The following PKD1 variants were observed in gnomAD, a reference collection of about 807,000 sequenced individuals.
PKD1 encodes polycystin 1, transient receptor potential channel interacting.
In PKD1, 81 loss-of-function variants were observed where a neutral mutation model predicts 361.7. The observed-to-expected ratio is 0.22, with a 90% CI of 0.19 to 0.27. The LOEUF is 0.27. Ranked by LOEUF, PKD1 falls within the 10% of genes least tolerant of loss-of-function variation. The pLI is 1.00. For synonymous variants in PKD1, 3,615 were observed against 2,818.3 expected (o/e 1.28, Z -8.95); for missense variants, 6,399 against 6,118.3 (o/e 1.05, Z -1.53).
At chr16:2,105,671 T>C in intron 20 of PKD1, 194 bp downstream of exon 20, 1 of 1,406,328 alleles carries the variant, frequency 7.1e-7, no homozygotes, top group East Asian at 2.5e-5. Context: ...GGCTGCATTG[T>C]GGAAAGCAGA....
Position 2,106,546 on chromosome 16 carries a change from C to T in PKD1, c.7341G>A (p.Thr2447=), listed in dbSNP as rs573611925. The part of the protein sequence containing the change: ...VLRDGEGYTF[T]LTVLGRSGEE... ...CGCCAGAGCGGCCCAGCACCGTGAG[C>T]GTGAAGGTGTATCCCTCGCCGTCCC... is the stretch of plus-strand genomic sequence containing the variant. The change falls in exon 18 of 46, where the codon ACG becomes ACA. Residue 2447 remains threonine, a synonymous_variant. Transcript: ENST00000262304. The surrounding 1 kb of genome is among the most constrained non-coding windows in gnomAD (Gnocchi z 6.5). 1.6e-5 allele frequency: 25 copies of T among 1,596,576 alleles called. No individual in the cohort carries two copies. The highest frequency in any genetic ancestry group is 1.5e-4 in the Admixed American group (9 of 59,902).
Position 2,110,550 on chromosome 16 carries a change from C to A in PKD1, c.4617G>T (p.Trp1539Cys). The change falls in exon 15 of 46, where the codon TGG becomes TGT. Residue 1539 changes from tryptophan to cysteine, a missense_variant. By Grantham distance (215) the Trp-to-Cys change is radical. Transcript: ENST00000262304. Reference protein sequence around the residue: ...GWNEVSRSEAWLNVTVKRRVR... With the variant: ...GWNEVSRSEACLNVTVKRRVR... Reference sequence around the variant, plus strand: ...CGCGCCGCTTCACCGTCACATTGAGCCAGGCCTCGCTGCGGCTCACCTCAT... The same window carrying A: ...CGCGCCGCTTCACCGTCACATTGAGACAGGCCTCGCTGCGGCTCACCTCAT... 1 of 1,611,458 alleles carries A rather than the reference C, an allele frequency of 6.2e-7. No individual in the cohort carries two copies. Among genetic ancestry groups the A allele is most frequent in the Non-Finnish European group, 8.5e-7 (1 of 1,179,814 alleles).
At position 2,092,980 on chromosome 16, in the gene PKD1, G is replaced by T; in HGVS notation, c.11130C>A (p.His3710Gln). The T allele has an allele frequency of 6.2e-7, 1 of 1,613,022 alleles. No homozygotes were observed. The highest frequency in any genetic ancestry group is 8.5e-7 in the Non-Finnish European group (1 of 1,180,022). ...RLQSAIKQEL[H>Q]SRAFLAITRS... ...GCGTGATGGCCAGGAAGGCCCGGCT[G>T]TGCAGCTCCTGCTTGATGGCGCTTT... The change falls in exon 38 of 46, where the codon CAC becomes CAA. Residue 3710 changes from histidine (H) to glutamine (Q), a missense_variant. Physicochemically the swap from His to Gln is conservative, Grantham distance 24. Transcript: ENST00000262304.
rs1405164016 is a variant in PKD1, at chr16:2,091,033, G to A, written c.11854C>T (p.Arg3952Cys). ...VALTAATALV[R>C]LAQLGAADRQ... is the part of the protein sequence containing the mutation. ...TCAGCGGCACCCAGCTGGGCGAGGC[G>A]TACCAGTGCCGTGGCCGCCGTCAGC... The change falls in exon 43 of 46, where the codon CGC (arginine) becomes TGC (cysteine). Residue 3952 changes from arginine to cysteine, a missense_variant. Arg to Cys is a radical substitution (Grantham distance 180). Coordinates refer to ENST00000262304, the MANE Select transcript of PKD1 (RefSeq NM_001009944.3). 1.6e-5 allele frequency: 24 copies of A among 1,530,310 alleles called. No homozygotes were observed. The highest frequency in any genetic ancestry group is 1.8e-4 in the Middle Eastern group (1 of 5,488). The allele number at this position is 1,530,310 out of a possible 1,614,324, so 94.8% of individuals were successfully genotyped here.
intron 42 of PKD1, 64 bp downstream of exon 42, chr16:2,091,359 G>C (rs1286449074): frequency 1.1e-6 from 1 of 920,602 alleles, no homozygotes; most frequent in Non-Finnish European, 1.3e-6. Context: ...GCCGGGGCGG[G>C]GCCCCGCGAG....
chr16:2,118,365 G>A lies in PKD1; in HGVS notation c.627C>T (p.Ala209=). 3 of 1,336,486 alleles carry A rather than the reference G, an allele frequency of 2.2e-6. No homozygotes were observed. Among genetic ancestry groups the A allele is most frequent in the Non-Finnish European group, 3.1e-6 (3 of 966,600 alleles). The allele number at this position is 1,336,486 out of a possible 1,614,324, so 82.8% of individuals were successfully genotyped here. ...AAHEGLLQPE[A]CSAFCFSTGQ... is the part of the protein sequence containing the mutation. ...CGGTGGAGAAGCAGAAGGCGCTGCAGGCCTCTGGCTGAAGCAGGCCTTCGT... is the reference window on the plus strand; with the variant it reads ...CGGTGGAGAAGCAGAAGGCGCTGCAAGCCTCTGGCTGAAGCAGGCCTTCGT... Residue 209 remains alanine, a synonymous_variant, in exon 5 of 46, where the codon GCC becomes GCT. Transcript: ENST00000262304. The surrounding 1 kb of genome is among the most constrained non-coding windows in gnomAD (Gnocchi z 6.0).
chr16:2,097,245 G>A lies in PKD1; in HGVS notation c.10406-4C>T, dbSNP rs151095649. On this transcript the variant is annotated splice_polypyrimidine_tract_variant and splice_region_variant and intron_variant, in intron 33 of 45. Transcript: ENST00000262304. The stretch of plus-strand genomic sequence containing the variant: ...ACCTGCTGGATCAGGTCTTCATCTA[G>A]AGGTACAGGAGGCATAGGGTGGGCC... The A allele has an allele frequency of 3.6e-4, 566 of 1,591,888 alleles. 4 individuals carry two copies. In the African/African-American group the frequency reaches 7.1e-3, roughly 20 times the overall value.
At chr16:2,119,554 T>G (rs2092689063) in intron 1 of PKD1, 176 bp from the exon 2 acceptor site, 3 of 669,898 alleles carry the variant, frequency 4.5e-6, no homozygotes, top group Non-Finnish European at 8.1e-6. Flanking sequence ...AACACTCATC[T>G]GGGGAAACCA....
Position 2,117,944 on chromosome 16 carries a change from C to G in PKD1, c.1048G>C (p.Val350Leu). The G allele has an allele frequency of 1.4e-6, 2 of 1,468,296 alleles. No individual in the cohort carries two copies. Among genetic ancestry groups the G allele is most frequent in the South Asian group, 1.2e-5 (1 of 84,896 alleles). 91.0% of individuals were successfully genotyped at this position (1,468,296 alleles called of 1,614,324 possible). ...GAGSALLGTD[V>L]QVEAAPAALE... is the part of the protein sequence containing the mutation. ...GCGGCAGGTGCCGCTTCCACCTGCACGTCTGTCCCCAGCAGGGCTGAGCCG... is the reference window on the plus strand; with the variant it reads ...GCGGCAGGTGCCGCTTCCACCTGCAGGTCTGTCCCCAGCAGGGCTGAGCCG... Residue 350 changes from valine (V) to leucine (L), a missense_variant, in exon 5 of 46, where the codon GTG (valine) becomes CTG (leucine). Physicochemically the swap from Val to Leu is conservative, Grantham distance 32 (BLOSUM62 1). Coordinates refer to ENST00000262304, the MANE Select transcript of PKD1 (RefSeq NM_001009944.3).
At chr16:2,091,205 G>T in intron 42 of PKD1, 31 bp from the exon 43 acceptor site, 2 of 1,267,676 alleles carry the variant, frequency 1.6e-6, no homozygotes, top group Non-Finnish European at 2.0e-6. Context: ...AGGGCGGGAG[G>T]GACGCTGCCG....
rs572435898 is a variant in PKD1, at chr16:2,118,549, C to A, written c.530-87G>T. On this transcript the variant is annotated intron_variant, in intron 4 of 45. Coordinates refer to ENST00000262304, the MANE Select transcript of PKD1 (RefSeq NM_001009944.3). This position sits in a 1 kb window ranked among gnomAD's most constrained non-coding sequence, Gnocchi z 6.0. ...CATCCGCCCGCCGCACTCACAGGCT[C>A]CCATGCTGTTCCCTTGGCCCGGAGG... The A allele has an allele frequency of 2.5e-6, 3 of 1,213,352 alleles. No homozygotes were observed. The highest frequency in any genetic ancestry group is 5.1e-5 in the East Asian group (2 of 39,532). The allele number at this position is 1,213,352 out of a possible 1,614,324, so 75.2% of individuals were successfully genotyped here. A position where few individuals can be genotyped will look rare whatever the true frequency, so the allele number is the denominator to read the frequency against.
Position 2,113,179 on chromosome 16 carries a change from C to A in PKD1, c.2967G>T (p.Ala989=), listed in dbSNP as rs1324429294. 1.0e-5 allele frequency: 11 copies of A among 1,089,566 alleles called. No individual in the cohort carries two copies. In the Admixed American group the frequency reaches 1.7e-4, roughly 17 times the overall value. 67.5% of individuals were successfully genotyped at this position (1,089,566 alleles called of 1,614,324 possible). ...CACCTACTGAGAGCTTGAAGACCGC[C>A]GCGCTCTGATAAATGACATTGAAGA... ...NVVFNVIYQS[A]AVFKLSLTAS... The change falls in exon 12 of 46, where the codon GCG becomes GCT. Residue 989 remains alanine (A), a synonymous_variant. Transcript: ENST00000262304.
Position 2,088,916 on chromosome 16 carries a change from C to G in PKD1, c.*811G>C. On this transcript the variant is annotated 3_prime_UTR_variant, in exon 46 of 46. Coordinates refer to ENST00000262304, the MANE Select transcript of PKD1 (RefSeq NM_001009944.3). ...ACACACACAGTCACCTTCCTCCACC[C>G]TGGGAGCCAGCCCCCAGGAGGAGTC... The G allele has an allele frequency of 2.5e-6, 1 of 398,216 alleles. No individual in the cohort carries two copies. Among genetic ancestry groups the G allele is most frequent in the South Asian group, 2.7e-5 (1 of 36,668 alleles). The allele number at this position is 398,216 out of a possible 1,614,324, so 24.7% of individuals were successfully genotyped here.
rs1248314336 is a variant in PKD1 at position 2,132,617 on chromosome 16, T to C, written c.215+2858A>G. Among the ~76,000 whole-genome samples, 4 of 150,432 alleles carry C rather than the reference T, an allele frequency of 2.7e-5. 1 individual carries two copies. The highest frequency in any genetic ancestry group is 5.9e-5 in the Non-Finnish European group (4 of 67,734). On this transcript the variant is annotated intron_variant, in intron 1 of 45. Coordinates refer to ENST00000262304, the MANE Select transcript of PKD1 (RefSeq NM_001009944.3). ...GAAAAAAAAAAAGACATCAACTAAT[T>C]GCAGTGTGTGGACCTTATTTGGCTC...
In PKD1 at chr16:2,111,758, C is replaced by T. The variant is rs375354209; in HGVS notation, c.3409G>A (p.Val1137Ile). 36 of 1,604,062 alleles carry T rather than the reference C, an allele frequency of 2.2e-5. No homozygotes were observed. In the African/African-American group the frequency reaches 3.1e-4, roughly 14 times the overall value. Residue 1137 changes from valine (V) to isoleucine (I), a missense_variant, in exon 15 of 46, where the codon GTC (valine) becomes ATC (isoleucine). By Grantham distance (29) the Val-to-Ile change is conservative (BLOSUM62 3). Coordinates refer to ENST00000262304, the MANE Select transcript of PKD1 (RefSeq NM_001009944.3). ...GTGACGGGCCGGCCGGCCACCAGGACGCCGTCACTCACACCCACAGCCACG... is the reference window on the plus strand; with the variant it reads ...GTGACGGGCCGGCCGGCCACCAGGATGCCGTCACTCACACCCACAGCCACG... ...PSVAVGVSDGVLVAGRPVTFY... is the reference protein window; with the variant it reads ...PSVAVGVSDGILVAGRPVTFY...
Position 2,088,790 on chromosome 16 carries a change from C to G in PKD1, c.*937G>C. 1.2e-6 allele frequency: 1 copy of G among 827,554 alleles called. No individual in the cohort carries two copies. The highest frequency in any genetic ancestry group is 1.8e-5 in the South Asian group (1 of 56,006). 51.3% of individuals were successfully genotyped at this position (827,554 alleles called of 1,614,324 possible). A position where few individuals can be genotyped will look rare whatever the true frequency, so the allele number is the denominator to read the frequency against. On this transcript the variant is annotated 3_prime_UTR_variant, in exon 46 of 46. Coordinates refer to ENST00000262304, the MANE Select transcript of PKD1 (RefSeq NM_001009944.3). ...TGTCGAGGCTCTAGAAGCGGCCATG[C>G]CCACAGAAGTGGTACACAGAAGCAG... is the stretch of plus-strand genomic sequence containing the variant.
chr16:2,089,965 TG>T lies in PKD1; in HGVS notation c.12673del (p.Gln4225SerfsTer133). 1 of 1,612,188 alleles carries T rather than the reference TG, an allele frequency of 6.2e-7. No individual in the cohort carries two copies. The highest frequency in any genetic ancestry group is 8.5e-7 in the Non-Finnish European group (1 of 1,179,732). On this transcript the variant is annotated frameshift_variant, in exon 46 of 46. Coordinates refer to ENST00000262304, the MANE Select transcript of PKD1 (RefSeq NM_001009944.3). LOFTEE classifies it high-confidence loss of function. ...LQAVFEALLT[Q>X]FDRLNQATED... Reference sequence around the variant, plus strand: ...TGTGGCCTGGTTGAGTCGGTCAAACTGGGTGAGCAGGGCCTCGAACACGGCT... The same window carrying T: ...TGTGGCCTGGTTGAGTCGGTCAAACTGGTGAGCAGGGCCTCGAACACGGCT...
At chr16:2,123,108 G>A (rs1278814557) in intron 1 of PKD1, among the ~76,000 whole-genome samples, 2 of 152,176 alleles carry the variant, frequency 1.3e-5, no homozygotes, top group African/African-American at 4.8e-5. Context: ...GGGGTGCCAT[G>A]GACACTTCTT....
chr16:2,112,013 C>A, intron 14 of PKD1, 142 bp from the exon 15 acceptor site: 1 of 889,450 alleles, frequency 1.1e-6, no homozygotes, highest in South Asian at 1.5e-5. Context: ...TCCCAAGCCA[C>A]GTGCGGGACG....
Sources: allele counts gnomAD v4.1 joint callset (sites outside exome capture counted in the v4.1 genomes callset), GRCh38; gene constraint gnomAD v4.1.1; non-coding constraint Gnocchi (gnomAD v3.1); transcripts MANE v1.5; gene names NCBI Gene and HGNC (gene_info 2026-07-23, HGNC 2026-07-21).